Variants in NBPF26 observed in about 807,000 individuals in gnomAD.
NBPF26 encodes the protein NBPF member 26.
In NBPF26, 79 loss-of-function variants were observed where a neutral mutation model predicts 119.6. The observed-to-expected ratio is 0.66, with a 90% confidence interval of 0.55 to 0.80. The LOEUF (loss-of-function observed/expected upper bound fraction) is 0.80. NBPF26 is among the 30% of genes least tolerant of loss of function. The pLI is 0.00. For missense variants in NBPF26, 800 were observed against 1,198.2 expected, an observed-to-expected ratio of 0.67 and a Z score of 4.91; for synonymous variants, 299 against 457.7, an observed-to-expected ratio of 0.65 and a Z score of 4.43.
intron 13 of NBPF26, 99 bp from the exon 14 acceptor site, chr1:120,816,523 A>G: frequency 3.6e-6 from 2 of 554,238 alleles, no homozygotes; most frequent in Non-Finnish European, 5.8e-6. Flanking sequence ...TTCTGGGACC[A>G]CTCTCTTAAT....
intron 1 of NBPF26, among the ~76,000 whole-genome samples, chr1:120,752,544 A>ATTTTT (rs1651029981): frequency 7.1e-5 from 1 of 14,102 alleles, no homozygotes. Flanking sequence ...ATATATATAT[A>ATTTTT]TATATATATA....
rs1485324096 is a variant in NBPF26, at chr1:120,816,972, T to A, written c.2371+145T>A. 7.6e-5 allele frequency: 84 copies of A among 1,109,472 alleles called. 7 individuals are homozygous for A. The East Asian group carries it at 1.7e-3, about 23-fold the overall frequency. The allele number at this position is 1,109,472 out of a possible 1,614,324, so 68.7% of individuals were successfully genotyped here. Reference sequence around the variant, plus strand: ...GATATCAGGGAGTTTTTTGTCCTTCTCAGCTAATGTCATGACTTTGTCTGC... The same window carrying A: ...GATATCAGGGAGTTTTTTGTCCTTCACAGCTAATGTCATGACTTTGTCTGC... On this transcript the variant is annotated intron_variant, in intron 14 of 29. Transcript: ENST00000620612.
chr1:120,727,812 C>G (rs1477359652), intron 1 of NBPF26, among the ~76,000 whole-genome samples: 1 of 117,678 alleles, frequency 8.5e-6, no homozygotes, highest in African/African-American at 4.9e-5. Context: ...TGTTTCCCCC[C>G]CTTTCTCTGC....
chr1:120,788,772 A>G, intron 3 of NBPF26, among the ~76,000 whole-genome samples: 1 of 90,260 alleles, frequency 1.1e-5, no homozygotes, highest in East Asian at 2.5e-4. Flanking sequence ...GTCAGAGGCA[A>G]TGCTGTGTGG....
rs1367654163 is a variant in NBPF26, at chr1:120,769,577, G to GT, written c.155+5875dup. Among the ~76,000 whole-genome samples, 10 of 121,986 alleles carry GT rather than the reference G, an allele frequency of 8.2e-5. 2 individuals carry two copies. Among genetic ancestry groups the GT allele is most frequent in the East Asian group, 2.0e-4 (1 of 4,984 alleles). 80.0% of individuals were successfully genotyped at this position (121,986 alleles called of 152,430 possible). On this transcript the variant is annotated intron_variant, in intron 2 of 29. Coordinates refer to ENST00000620612, the Ensembl canonical transcript of NBPF26. ...TTTTTAACATAAAACAAAGAATGCT[G>GT]TTTTTTTGGCTCATTAAATACCTCT...
In NBPF26 at chr1:120,823,954, AC is replaced by A; in HGVS notation, c.2640-19del. Reference sequence around the variant, plus strand: ...TCTGATTCCCCCTGGCTTATTCTTTACTTTTTCCCACTTTTCCAGGCTCAGC... The same window carrying A: ...TCTGATTCCCCCTGGCTTATTCTTTATTTTTCCCACTTTTCCAGGCTCAGC... On this transcript the variant is annotated intron_variant, in intron 17 of 29. Transcript: ENST00000620612. 1 of 648,694 alleles carries A rather than the reference AC, an allele frequency of 1.5e-6. No individual in the cohort carries two copies. Among genetic ancestry groups the A allele is most frequent in the South Asian group, 1.5e-5 (1 of 65,414 alleles). 40.2% of individuals were successfully genotyped at this position (648,694 alleles called of 1,614,324 possible). A position where few individuals can be genotyped will look rare whatever the true frequency, so the allele number is the denominator to read the frequency against.
intron 2 of NBPF26, among the ~76,000 whole-genome samples, chr1:120,784,675 A>G (rs1651401673): frequency 8.5e-6 from 1 of 117,322 alleles, no homozygotes; most frequent in Admixed American, 8.1e-5. Context: ...TTTTCACAGC[A>G]CTTAACTCCA....
exon 1 of NBPF26, chr1:120,724,047 G>T: frequency 7.9e-7 from 1 of 1,271,672 alleles, no homozygotes; most frequent in Non-Finnish European, 1.0e-6. Context: ...GTAGCGCCAG[G>T]GCCTGAGCCT....
chr1:120,833,440 G>C (rs1169540350), intron 23 of NBPF26, among the ~76,000 whole-genome samples, 163 bp from the exon 28 acceptor site: 1 of 97,516 alleles, frequency 1.0e-5, no homozygotes, highest in Non-Finnish European at 1.8e-5. Flanking sequence ...TTTTCTACCT[G>C]GCCCTGTTCT....
chr1:120,765,794 G>T (rs1387467870), intron 2 of NBPF26, among the ~76,000 whole-genome samples: 1 of 128,786 alleles, frequency 7.8e-6, no homozygotes, highest in Admixed American at 7.7e-5. Context: ...GGAATACTAT[G>T]CAGCCATAAA....
rs1353895584 is a variant in NBPF26, at chr1:120,790,464, G to A, written c.416-2697G>A. Among the ~76,000 whole-genome samples, 3 of 116,922 alleles carry A rather than the reference G, an allele frequency of 2.6e-5. 1 individual carries two copies. Among genetic ancestry groups the A allele is most frequent in the Non-Finnish European group, 4.9e-5 (3 of 60,904 alleles). The allele number at this position is 116,922 out of a possible 152,430, so 76.7% of individuals were successfully genotyped here. A position where few individuals can be genotyped will look rare whatever the true frequency, so the allele number is the denominator to read the frequency against. On this transcript the variant is annotated intron_variant, in intron 3 of 29. Transcript: ENST00000620612. ...ACTCAGAGATGAAGAAGCAGAGGCA[G>A]CAAGTTAGTGCCTATACATAATATA...
chr1:120,764,722 A>G (rs1651170959), intron 2 of NBPF26, among the ~76,000 whole-genome samples: 1 of 117,384 alleles, frequency 8.5e-6, no homozygotes, highest in Non-Finnish European at 1.7e-5. Context: ...TTCTGCCTCA[A>G]TTGAAAATTT....
chr1:120,730,070 G>T (rs1157837080), intron 1 of NBPF26, among the ~76,000 whole-genome samples: 2 of 95,732 alleles, frequency 2.1e-5, no homozygotes, highest in Non-Finnish European at 3.8e-5. Flanking sequence ...AGCATTTTCG[G>T]ACTTCTGTTT....
intron 5 of NBPF26, among the ~76,000 whole-genome samples, chr1:120,806,853 T>G (rs1300871686): frequency 2.5e-5 from 3 of 122,334 alleles, no homozygotes; most frequent in Middle Eastern, 7.5e-3. Context: ...CAATAATACC[T>G]ACCTCTGTAA....
At chr1:120,815,286 T>C (rs1399530164) in intron 12 of NBPF26, among the ~76,000 whole-genome samples, 5 of 116,316 alleles carry the variant, frequency 4.3e-5, no homozygotes, top group Admixed American at 3.3e-4. Flanking sequence ...AGAGGCAGCA[T>C]CTATCTAGTT....
intron 15 of NBPF26, among the ~76,000 whole-genome samples, chr1:120,819,292 G>T (rs1652080631): frequency 8.6e-6 from 1 of 116,262 alleles, no homozygotes; most frequent in African/African-American, 4.9e-5. Context: ...CAGAGACTAG[G>T]ATTGCAACCC....
At position 120,726,932 on chromosome 1, in the gene NBPF26, T is replaced by A. The variant is rs1650821428; in HGVS notation, c.73+2682T>A. ...AGGAGCAACTTTTGGTTCACCTGGA[T>A]TGTAGTTGCTGACTTCAAGACCTTT... On this transcript the variant is annotated intron_variant, in intron 1 of 29. Transcript: ENST00000620612. Among the ~76,000 whole-genome samples, 3 of 116,242 alleles carry A rather than the reference T, an allele frequency of 2.6e-5. 1 individual carries two copies. The highest frequency in any genetic ancestry group is 4.9e-5 in the Non-Finnish European group (3 of 60,756). The allele number at this position is 116,242 out of a possible 152,430, so 76.3% of individuals were successfully genotyped here.
Position 120,786,353 on chromosome 1 carries a change from C to T in NBPF26, c.415+1120C>T, listed in dbSNP as rs1651421749. Among the ~76,000 whole-genome samples, 2 of 106,260 alleles carry T rather than the reference C, an allele frequency of 1.9e-5. 1 individual carries two copies. The highest frequency in any genetic ancestry group is 1.2e-4 in the African/African-American group (2 of 16,012). The allele number at this position is 106,260 out of a possible 152,430, so 69.7% of individuals were successfully genotyped here. A position where few individuals can be genotyped will look rare whatever the true frequency, so the allele number is the denominator to read the frequency against. On this transcript the variant is annotated intron_variant, in intron 3 of 29. Transcript: ENST00000620612. ...TTTCACCTGTCTATTCCTCCCATTT[C>T]CTCTGCTACCCTGTAGTTGAGGGCC...
At chr1:120,784,805 G>C (rs1459326885) in intron 2 of NBPF26, among the ~76,000 whole-genome samples, 169 bp from the exon 3 acceptor site, 1 of 118,856 alleles carries the variant, frequency 8.4e-6, no homozygotes, top group African/African-American at 4.9e-5. Flanking sequence ...ACGTGGTTAA[G>C]TTCTCTAAGG....
Sources: gnomAD v4.1 joint callset for allele counts (sites outside exome capture counted in the v4.1 genomes callset) on GRCh38, gnomAD v4.1.1 for gene constraint, MANE v1.5 for transcripts, NCBI Gene and HGNC (gene_info 2026-07-23, HGNC 2026-07-21) for gene names.